CACNA1D: variants seen among roughly 807,000 people sequenced by gnomAD.
The protein encoded by CACNA1D is calcium voltage-gated channel subunit alpha1 D.
CACNA1D carries 55 observed loss-of-function variants against 257.1 expected under a neutral mutation model. The ratio of observed to expected loss-of-function variants is 0.21; its 90% confidence interval spans 0.17 to 0.27. CACNA1D has a LOEUF of 0.27. CACNA1D is among the 10% of genes least tolerant of loss of function. The pLI is 1.00. For synonymous variants in CACNA1D, 980 were observed against 1,014.9 expected (o/e 0.97, Z 0.65); for missense variants, 1,876 against 2,784.0 (o/e 0.67, Z 7.34).
In CACNA1D at chr3:53,504,199, G is replaced by A. The variant is rs558048601; in HGVS notation, c.483+2479G>A. On this transcript the variant is annotated intron_variant, in intron 3 of 47. Transcript: ENST00000350061. ...TTTAATGTGAATGGTAAAATCAAAG[G>A]GCAGACGCTGAAATGAGTTGCAAGG... Among the ~76,000 whole-genome samples, 5 of 152,142 alleles carry A rather than the reference G, an allele frequency of 3.3e-5. No homozygotes were observed. The South Asian group carries it at 1.0e-3, about 32-fold the overall frequency.
At chr3:53,619,621 C>A (rs956089733) in intron 3 of CACNA1D, among the ~76,000 whole-genome samples, 2 of 152,190 alleles carry the variant, frequency 1.3e-5, no homozygotes, top group Non-Finnish European at 2.9e-5. Context: ...AATGTCCTTT[C>A]CCTAACATGT....
intron 7 of CACNA1D, among the ~76,000 whole-genome samples, chr3:53,670,865 A>G (rs1448921585): frequency 6.6e-6 from 1 of 152,170 alleles, no homozygotes; most frequent in African/African-American, 2.4e-5. Context: ...AACAGCTTGC[A>G]TGTTCTGATT....
intron 3 of CACNA1D, among the ~76,000 whole-genome samples, chr3:53,584,512 G>C (rs1159241506): frequency 6.6e-6 from 1 of 152,110 alleles, no homozygotes; most frequent in African/African-American, 2.4e-5. Flanking sequence ...CTGTTCATCT[G>C]TCTGTCCATC....
At chr3:53,727,678 G>A (rs942534854) in intron 15 of CACNA1D, among the ~76,000 whole-genome samples, 2 of 152,088 alleles carry the variant, frequency 1.3e-5, no homozygotes, top group Admixed American at 6.5e-5. Flanking sequence ...GGTCCTCCAT[G>A]CCTAGCACCA....
chr3:53,611,473 T>G lies in CACNA1D; in HGVS notation c.484-39306T>G, dbSNP rs534965164. ...TTCATTTGATTTCAAGATTTTTTCT[T>G]GATATCAGTTTTTGGGTACTTGATT... On this transcript the variant is annotated intron_variant, in intron 3 of 47. Transcript: ENST00000350061. Among the ~76,000 whole-genome samples the G allele has an allele frequency of 2.0e-5, 3 of 152,338 alleles. No individual in the cohort carries two copies. The East Asian group carries it at 5.8e-4, about 29-fold the overall frequency.
chr3:53,589,932 T>C (rs1004803650), intron 3 of CACNA1D, among the ~76,000 whole-genome samples: 20 of 152,332 alleles, frequency 1.3e-4, no homozygotes, highest in Non-Finnish European at 2.4e-4. Context: ...AGTGTGCTCC[T>C]CACCAGCCTT....
At chr3:53,625,979 TGG>T (rs1266651077) in intron 3 of CACNA1D, among the ~76,000 whole-genome samples, 1 of 152,058 alleles carries the variant, frequency 6.6e-6, no homozygotes, top group Non-Finnish European at 1.5e-5. Flanking sequence ...CAGACTAGGC[TGG>T]GGTGGGGATA....
rs116053014 is a variant in CACNA1D, at chr3:53,749,724, G to A, written c.3516+255G>A. Among the ~76,000 whole-genome samples, 3,787 of 152,294 alleles carry A rather than the reference G, an allele frequency of 0.025. 159 individuals carry two copies. The highest frequency in any genetic ancestry group is 0.087 in the African/African-American group (3,604 of 41,546). ...TGGTATGAAATCAGAGAGTGCTTAC[G>A]CCACCTGCCATGGTCATGACCCACT... On this transcript the variant is annotated intron_variant, in intron 27 of 47. Coordinates refer to ENST00000350061, the MANE Select transcript of CACNA1D (RefSeq NM_001128840.3).
chr3:53,575,132 A>G (rs75242244), intron 3 of CACNA1D, among the ~76,000 whole-genome samples: 11 of 152,262 alleles, frequency 7.2e-5, no homozygotes, highest in African/African-American at 2.6e-4. Flanking sequence ...CGGACCCTAG[A>G]GGAGCTTATA....
intron 3 of CACNA1D, among the ~76,000 whole-genome samples, chr3:53,638,677 C>A (rs768777846): frequency 2.0e-5 from 3 of 152,236 alleles, no homozygotes; most frequent in Non-Finnish European, 4.4e-5. Flanking sequence ...GGTAAAGTCA[C>A]TTGCCCAAGT....
chr3:53,736,608 T>A (rs1034372158), intron 20 of CACNA1D, among the ~76,000 whole-genome samples: 1 of 152,138 alleles, frequency 6.6e-6, no homozygotes, highest in African/African-American at 2.4e-5. Flanking sequence ...GAGTTATTAA[T>A]TGGCTGGGCG....
rs140773952 is a variant in CACNA1D, at chr3:53,759,203, C to T, written c.3787-2795C>T. ...AAATTGCCAAAAAATTCCAAGACCC[C>T]AAGGAAATATTAAGCCCCTATTGTG... On this transcript the variant is annotated intron_variant, in intron 29 of 47. Coordinates refer to ENST00000350061, the MANE Select transcript of CACNA1D (RefSeq NM_001128840.3). Among the ~76,000 whole-genome samples the T allele has an allele frequency of 1.1e-4, 16 of 152,246 alleles. No homozygotes were observed. In the East Asian group the frequency reaches 3.1e-3, roughly 29 times the overall value.
Position 53,744,842 on chromosome 3 carries a change from C to T in CACNA1D, c.3006+15C>T, listed in dbSNP as rs368919445. Reference sequence around the variant, plus strand: ...AAGGACTTAAGGTTTTGATTCCTCTCCTCCCGGCTGGGCTGGCTTGGGTTG... The same window carrying T: ...AAGGACTTAAGGTTTTGATTCCTCTTCTCCCGGCTGGGCTGGCTTGGGTTG... On this transcript the variant is annotated intron_variant, in intron 23 of 47. Transcript: ENST00000350061. 7.3e-6 allele frequency: 11 copies of T among 1,503,894 alleles called. No homozygotes were observed. In the African/African-American group the frequency reaches 1.4e-4, roughly 19 times the overall value. 93.2% of individuals were successfully genotyped at this position (1,503,894 alleles called of 1,614,324 possible).
intron 8 of CACNA1D, among the ~76,000 whole-genome samples, chr3:53,695,002 C>T (rs1023255856): frequency 6.6e-6 from 1 of 152,174 alleles, no homozygotes; most frequent in African/African-American, 2.4e-5. Flanking sequence ...TACCATTGTT[C>T]TGTCGTCAGA....
At chr3:53,500,412 G>A (rs2090547864) in intron 2 of CACNA1D, among the ~76,000 whole-genome samples, 1 of 148,674 alleles carries the variant, frequency 6.7e-6, no homozygotes, top group African/African-American at 2.5e-5. Context: ...TCCAGCCTTG[G>A]TGACAGTGAG....
At chr3:53,702,952 A>G (rs2094642319) in intron 9 of CACNA1D, 142 bp downstream of exon 9, 1 of 865,208 alleles carries the variant, frequency 1.2e-6, no homozygotes. Context: ...GCCTGCACAC[A>G]TCACGGAGAG....
rs1019497148 is a variant in CACNA1D at position 53,793,873 on chromosome 3, A to G, written c.4924-6376A>G. Among the ~76,000 whole-genome samples the G allele has an allele frequency of 2.2e-4, 34 of 152,228 alleles. No homozygotes were observed. Among genetic ancestry groups the G allele is most frequent in the Non-Finnish European group, 2.9e-5 (2 of 68,046 alleles). On this transcript the variant is annotated intron_variant, in intron 40 of 47. Coordinates refer to ENST00000350061, the MANE Select transcript of CACNA1D (RefSeq NM_001128840.3). This position sits in a 1 kb window ranked among gnomAD's most constrained non-coding sequence, Gnocchi z 4.1. The stretch of plus-strand genomic sequence containing the variant: ...TCTAGTGTAGTCAAAGTTGTGAGAG[A>G]CGACTCAAGTTCATTATTTAGAATC...
intron 3 of CACNA1D, among the ~76,000 whole-genome samples, chr3:53,648,385 T>A (rs2094045534): frequency 6.6e-6 from 1 of 152,174 alleles, no homozygotes; most frequent in Admixed American, 6.5e-5. Flanking sequence ...TTGCCTCTGG[T>A]TGAAGTAACA....
intron 26 of CACNA1D, among the ~76,000 whole-genome samples, chr3:53,748,651 A>G (rs564695442): frequency 5.7e-4 from 87 of 152,170 alleles, no homozygotes; most frequent in South Asian, 4.4e-3. Flanking sequence ...GAATATTCCT[A>G]TGATGGGGAT....
Sources: gnomAD v4.1 joint callset for allele counts (sites outside exome capture counted in the v4.1 genomes callset) on GRCh38, gnomAD v4.1.1 for gene constraint, Gnocchi (gnomAD v3.1) non-coding constraint, MANE v1.5 for transcripts, NCBI Gene and HGNC (gene_info 2026-07-23, HGNC 2026-07-21) for gene names.